Variants in RAVER2 observed in about 807,000 individuals in gnomAD.
The protein encoded by RAVER2 is ribonucleoprotein, PTB binding 2.
A neutral mutation model predicts 78.1 loss-of-function variants in RAVER2; 46 were observed. The observed-to-expected ratio is 0.59, with a 90% CI of 0.46 to 0.75. The LOEUF (loss-of-function observed/expected upper bound fraction) is 0.75, where lower values mean the gene tolerates loss of function less well. RAVER2 is among the 30% of genes least tolerant of loss of function. The probability of loss-of-function intolerance (pLI) is 0.00; values close to 1 mark genes in which losing one functional copy is unlikely to be tolerated. For missense variants in RAVER2, 793 were observed against 837.5 expected (o/e 0.95, Z 0.66); for synonymous variants, 311 against 313.3 (o/e 0.99, Z 0.08).
At chr1:64,833,097 G>GTT (rs1654219960) in exon 12 of RAVER2, 1 of 180,174 alleles carries the variant, frequency 5.6e-6, no homozygotes, top group Non-Finnish European at 1.2e-5. Flanking sequence ...AGTGGTGTTT[G>GTT]TTTGTTTGTT....
At chr1:64,808,937 A>G (rs1057162558) in intron 9 of RAVER2, among the ~76,000 whole-genome samples, 11 of 152,314 alleles carry the variant, frequency 7.2e-5, no homozygotes, top group African/African-American at 2.6e-4. Context: ...GGTGATTCAC[A>G]TAATGGGCAA....
chr1:64,792,669 T>C (rs1480822867), intron 5 of RAVER2, among the ~76,000 whole-genome samples: 1 of 152,184 alleles, frequency 6.6e-6, no homozygotes. Context: ...AGCATAGCTT[T>C]TTCTTGTGTG....
At chr1:64,781,624 C>A in intron 4 of RAVER2, 53 bp downstream of exon 4, 1 of 1,506,112 alleles carries the variant, frequency 6.6e-7, no homozygotes. Flanking sequence ...AATTCTAATA[C>A]TATTTTAATC....
At chr1:64,805,928 A>G (rs1653405811) in intron 8 of RAVER2, among the ~76,000 whole-genome samples, 1 of 152,142 alleles carries the variant, frequency 6.6e-6, no homozygotes, top group Non-Finnish European at 1.5e-5. Context: ...GCAAATATGT[A>G]TTATTTGTGT....
chr1:64,762,537 C>T (rs67806955), intron 1 of RAVER2, among the ~76,000 whole-genome samples: 17,776 of 151,654 alleles, frequency 0.12, 1,248 homozygotes, highest in East Asian at 0.28. Flanking sequence ...ATAATTTGTT[C>T]AGTGTGATAT....
Position 64,827,796 on chromosome 1 carries a change from C to T in RAVER2, c.1930-3043C>T, listed in dbSNP as rs549372638. On this transcript the variant is annotated intron_variant, in intron 11 of 11. Transcript: ENST00000294428. ...CTAATAGGGACAAGTTCAATAGCCT[C>T]CTGGTGAGACTTAATAATGCCTGTC... Among the ~76,000 whole-genome samples the T allele has an allele frequency of 6.6e-5, 10 of 152,316 alleles. No homozygotes were observed. In the East Asian group the frequency reaches 1.9e-3, roughly 29 times the overall value.
At chr1:64,805,066 A>G in exon 8 of RAVER2, 1 of 1,613,920 alleles carries the variant, frequency 6.2e-7, no homozygotes, top group Non-Finnish European at 8.5e-7. Context: ...GCTTCCATTG[A>G]AAAAGGAGTT....
In RAVER2 at chr1:64,787,515, C is replaced by G. The variant is rs1466659017; in HGVS notation, c.979-1873C>G. Among the ~76,000 whole-genome samples, 3 of 152,334 alleles carry G rather than the reference C, an allele frequency of 2.0e-5. No homozygotes were observed. The East Asian group carries it at 5.8e-4, about 29-fold the overall frequency. On this transcript the variant is annotated intron_variant, in intron 4 of 11. Coordinates refer to ENST00000294428, the Ensembl canonical transcript of RAVER2. Reference sequence around the variant, plus strand: ...AGAGAGCCTCTCTTCATTTCCACCCCTGCTCTTTTCCAAGTTCTGCCTTCC... The same window carrying G: ...AGAGAGCCTCTCTTCATTTCCACCCGTGCTCTTTTCCAAGTTCTGCCTTCC...
chr1:64,815,192 T>C (rs376097325), intron 11 of RAVER2: 3 of 154,480 alleles, frequency 1.9e-5, no homozygotes, highest in African/African-American at 7.2e-5. Flanking sequence ...AATAAAAGAG[T>C]TGAGTGATGA....
chr1:64,754,944 T>G (rs190025906), intron 1 of RAVER2, among the ~76,000 whole-genome samples: 103 of 152,320 alleles, frequency 6.8e-4, no homozygotes, highest in Middle Eastern at 3.4e-3. Flanking sequence ...ATTTTCTTTT[T>G]AAACAAATCA....
Position 64,811,681 on chromosome 1 carries a change from A to C in RAVER2, c.1681-1057A>C, listed in dbSNP as rs111760836. On this transcript the variant is annotated intron_variant, in intron 9 of 11. Coordinates refer to ENST00000294428, the Ensembl canonical transcript of RAVER2. Reference sequence around the variant, plus strand: ...CCACTTTATTGTAAAAATACAGTATATAATACATGTAACATACAACATATG... The same window carrying C: ...CCACTTTATTGTAAAAATACAGTATCTAATACATGTAACATACAACATATG... Among the ~76,000 whole-genome samples, 671 of 152,358 alleles carry C rather than the reference A, an allele frequency of 4.4e-3. 10 individuals carry two copies. The highest frequency in any genetic ancestry group is 0.015 in the African/African-American group (643 of 41,586).
chr1:64,773,798 C>G (rs980061325), intron 2 of RAVER2, among the ~76,000 whole-genome samples: 3 of 152,250 alleles, frequency 2.0e-5, no homozygotes, highest in Non-Finnish European at 4.4e-5. Flanking sequence ...CTCCCACCAA[C>G]AGTGTAAAAG....
At chr1:64,804,150 C>T (rs970844480) in intron 6 of RAVER2, among the ~76,000 whole-genome samples, 3 of 152,090 alleles carry the variant, frequency 2.0e-5, no homozygotes, top group Admixed American at 2.0e-4. Flanking sequence ...CACCTAATTC[C>T]CTCCCAGACT....
At position 64,807,394 on chromosome 1, in the gene RAVER2, A is replaced by G. The variant is rs200770134; in HGVS notation, c.1600A>G (p.Asn534Asp). 3.6e-4 allele frequency: 586 copies of G among 1,614,044 alleles called. No individual in the cohort carries two copies. Among genetic ancestry groups the G allele is most frequent in the Non-Finnish European group, 4.6e-4 (540 of 1,180,034 alleles). The stretch of plus-strand genomic sequence containing the variant: ...GCAGCCTTATCTTCAGAGCTTTCCA[A>G]ACCTTGCTGCTGGAAGCTTGCTGGT... Residue 534 changes from asparagine (N) to aspartate (D), a missense_variant, in exon 9 of 12, where the codon AAC (asparagine) becomes GAC (aspartate). By Grantham distance (23) the Asn-to-Asp change is conservative. Transcript: ENST00000294428.
At position 64,745,774 on chromosome 1, in the gene RAVER2, G is replaced by T. The variant is rs1235146038; in HGVS notation, c.249+353G>T. ...GTGAGTTGTGGAGCACACATTTTGCGGGGGGGAGCGGGGGTAGAGGGGGCC... is the reference window on the plus strand; with the variant it reads ...GTGAGTTGTGGAGCACACATTTTGCTGGGGGGAGCGGGGGTAGAGGGGGCC... On this transcript the variant is annotated intron_variant, in intron 1 of 11. Coordinates refer to ENST00000294428, the Ensembl canonical transcript of RAVER2. This position sits in a 1 kb window ranked among gnomAD's most constrained non-coding sequence, Gnocchi z 4.3. Among the ~76,000 whole-genome samples, 5 of 151,890 alleles carry T rather than the reference G, an allele frequency of 3.3e-5. No individual in the cohort carries two copies. The highest frequency in any genetic ancestry group is 1.2e-4 in the African/African-American group (5 of 41,360).
intron 9 of RAVER2, among the ~76,000 whole-genome samples, chr1:64,810,540 A>T (rs567338974): frequency 6.6e-6 from 1 of 152,312 alleles, no homozygotes; most frequent in East Asian, 1.9e-4. Flanking sequence ...ACCTTCTAAG[A>T]CCATCATATT....
chr1:64,819,299 A>G (rs964358965), intron 11 of RAVER2, among the ~76,000 whole-genome samples: 2 of 152,194 alleles, frequency 1.3e-5, no homozygotes, highest in Non-Finnish European at 2.9e-5. Flanking sequence ...GCCAAGAGAT[A>G]TAAACTAAGA....
intron 9 of RAVER2, among the ~76,000 whole-genome samples, chr1:64,810,829 C>T (rs906124140): frequency 5.3e-5 from 8 of 152,074 alleles, no homozygotes; most frequent in Admixed American, 5.2e-4. Flanking sequence ...GACCCTAGAA[C>T]AACACGGGTT....
In RAVER2 at chr1:64,807,618, T is replaced by C. The variant is rs1653481436; in HGVS notation, c.1680+144T>C. On this transcript the variant is annotated intron_variant, in intron 9 of 11. Coordinates refer to ENST00000294428, the Ensembl canonical transcript of RAVER2. ...TTACTTTTCAAAATTGAAGAAAACA[T>C]TGCATTCTTTTAAAAAATCTGTTAT... 12 of 951,442 alleles carry C rather than the reference T, an allele frequency of 1.3e-5. No individual in the cohort carries two copies. The South Asian group carries it at 2.5e-4, about 20-fold the overall frequency. 58.9% of individuals were successfully genotyped at this position (951,442 alleles called of 1,614,324 possible). A position where few individuals can be genotyped will look rare whatever the true frequency, so the allele number is the denominator to read the frequency against.
Sources: allele counts gnomAD v4.1 joint callset (sites outside exome capture counted in the v4.1 genomes callset), GRCh38; gene constraint gnomAD v4.1.1; non-coding constraint Gnocchi (gnomAD v3.1); transcripts MANE v1.5; gene names NCBI Gene and HGNC (gene_info 2026-07-23, HGNC 2026-07-21).